The following ACACB variants were observed in gnomAD, a reference collection of about 807,000 sequenced individuals.
The protein encoded by ACACB is acetyl-CoA carboxylase beta, also known as acetyl-CoA carboxylase 2.
A neutral mutation model predicts 278.8 loss-of-function variants in ACACB; 209 were observed. That is an observed-to-expected ratio of 0.75 (90% CI 0.67 to 0.84). The LOEUF is 0.84. Ranked by LOEUF, ACACB falls within the 40% of genes least tolerant of loss-of-function variation. The pLI, the probability that ACACB is intolerant of heterozygous loss-of-function variation, is 0.00. For missense variants in ACACB, 2,850 were observed against 3,269.0 expected, an observed-to-expected ratio of 0.87 and a Z score of 3.13; for synonymous variants, 1,174 against 1,285.6, an observed-to-expected ratio of 0.91 and a Z score of 1.86.
intron 1 of ACACB, among the ~76,000 whole-genome samples, chr12:109,137,726 G>A (rs1437179505): frequency 6.6e-6 from 1 of 151,744 alleles, no homozygotes; most frequent in Non-Finnish European, 1.5e-5. Flanking sequence ...CTTTTGTAAT[G>A]CTTCTAGTAT....
At chr12:109,186,791 A>AT (rs921475576) in intron 12 of ACACB, among the ~76,000 whole-genome samples, 110 of 152,128 alleles carry the variant, frequency 7.2e-4, no homozygotes, top group African/African-American at 2.6e-3. Flanking sequence ...CAAAAGGGGA[A>AT]TTTTTTGGAG....
chr12:109,250,017 T>G lies in ACACB; in HGVS notation c.5703T>G (p.Asp1901Glu). 6.2e-7 allele frequency: 1 copy of G among 1,613,580 alleles called. No homozygotes were observed. The highest frequency in any genetic ancestry group is 8.5e-7 in the Non-Finnish European group (1 of 1,179,778). ...YMITDIIGKD[D>E]GLGVENLRGS... is the part of the protein sequence containing the mutation. Reference sequence around the variant, plus strand: ...TCACGGATATCATCGGGAAGGATGATGGCTTGGGCGTGGAGAATCTGAGGG... The same window carrying G: ...TCACGGATATCATCGGGAAGGATGAGGGCTTGGGCGTGGAGAATCTGAGGG... Residue 1901 changes from aspartate (D) to glutamate (E), a missense_variant, in exon 41 of 53, where the codon GAT (aspartate) becomes GAG (glutamate). By Grantham distance (45) the Asp-to-Glu change is conservative. Coordinates refer to ENST00000338432, the MANE Select transcript of ACACB (RefSeq NM_001093.4).
intron 13 of ACACB, among the ~76,000 whole-genome samples, chr12:109,188,808 T>C (rs1351553166): frequency 6.6e-6 from 1 of 152,162 alleles, no homozygotes; most frequent in African/African-American, 2.4e-5. Flanking sequence ...TAAAGATTGT[T>C]CTAGGAGATA....
At position 109,228,163 on chromosome 12, in the gene ACACB, CTA is replaced by C. The variant is rs2046369348; in HGVS notation, c.4001+676_4001+677del. On this transcript the variant is annotated intron_variant, in intron 28 of 52. Transcript: ENST00000338432. ...CCAGCCTGGCCAACATGGTGAAACC[CTA>C]TCTCTACTAAAAAAAATACAAAAAT... Among the ~76,000 whole-genome samples, 3 of 151,730 alleles carry C rather than the reference CTA, an allele frequency of 2.0e-5. 1 individual carries two copies. In the South Asian group the frequency reaches 6.2e-4, roughly 32 times the overall value.
chr12:109,163,678 C>T lies in ACACB; in HGVS notation c.654-3183C>T, dbSNP rs192029675. ...TTGTTGTTGTTGTTTGAGATGGAGT[C>T]TCACTCTATTGCCCAGGCTGGAGCG... On this transcript the variant is annotated intron_variant, in intron 2 of 52. Transcript: ENST00000338432. 1.5e-3 allele frequency among the ~76,000 whole-genome samples: 229 copies of T among 152,268 alleles called. 1 individual carries two copies. The highest frequency in any genetic ancestry group is 5.1e-3 in the African/African-American group (213 of 41,556).
chr12:109,111,460 A>G, the ACACB span: 1 of 152,208 alleles, frequency 6.6e-6, no homozygotes, highest in African/African-American at 2.4e-5. Context: ...ACTGGCCCGC[A>G]GCCCAGGCTC....
intron 28 of ACACB, 97 bp from the exon 29 acceptor site, chr12:109,232,572 A>T: frequency 6.8e-7 from 1 of 1,464,082 alleles, no homozygotes; most frequent in South Asian, 1.3e-5. Flanking sequence ...AGAGCTCTAA[A>T]TCTGGTCCAG....
At chr12:109,168,094 T>C in intron 4 of ACACB, 60 bp downstream of exon 4, 1 of 1,543,638 alleles carries the variant, frequency 6.5e-7, no homozygotes, top group African/African-American at 1.4e-5. Context: ...CCTCGCCTCC[T>C]TCCCCTGTGC....
intron 1 of ACACB, among the ~76,000 whole-genome samples, chr12:109,122,130 C>T (rs1264223403): frequency 1.3e-5 from 2 of 152,120 alleles, no homozygotes; most frequent in African/African-American, 4.8e-5. Context: ...TTTGCCAGGG[C>T]CATGTAGACC....
At chr12:109,196,370 G>A (rs1396500243) in intron 16 of ACACB, among the ~76,000 whole-genome samples, 1 of 152,130 alleles carries the variant, frequency 6.6e-6, no homozygotes, top group Non-Finnish European at 1.5e-5. Context: ...AATTCTCTAG[G>A]CTGGGAAGGT....
chr12:109,139,205 A>G (rs1244402619), intron 1 of ACACB, among the ~76,000 whole-genome samples, 192 bp from the exon 2 acceptor site: 1 of 152,222 alleles, frequency 6.6e-6, no homozygotes, highest in African/African-American at 2.4e-5. Context: ...GCAGGAAACT[A>G]AGATCCAGAG....
upstream of ACACB, among the ~76,000 whole-genome samples, chr12:109,112,254 A>AT (rs2042315756): frequency 6.7e-6 from 1 of 149,344 alleles, no homozygotes; most frequent in Non-Finnish European, 1.5e-5. Flanking sequence ...ATATATATGT[A>AT]TGTATATTCA....
intron 22 of ACACB, among the ~76,000 whole-genome samples, chr12:109,215,449 G>C (rs2045966646): frequency 6.6e-6 from 1 of 152,088 alleles, no homozygotes. Flanking sequence ...CTCAGGATTA[G>C]AGGGTGCCTC....
chr12:109,194,169 CTCTG>C (rs2045005647), intron 16 of ACACB, among the ~76,000 whole-genome samples: 1 of 151,590 alleles, frequency 6.6e-6, no homozygotes, highest in Non-Finnish European at 1.5e-5. Context: ...TTGCCCCAGT[CTCTG>C]TCTCTGTTTT....
At position 109,159,270 on chromosome 12, in the gene ACACB, A is replaced by C. The variant is rs1167088705; in HGVS notation, c.654-7591A>C. 2.0e-5 allele frequency among the ~76,000 whole-genome samples: 3 copies of C among 152,368 alleles called. No individual in the cohort carries two copies. The East Asian group carries it at 5.8e-4, about 29-fold the overall frequency. On this transcript the variant is annotated intron_variant, in intron 2 of 52. Coordinates refer to ENST00000338432, the MANE Select transcript of ACACB (RefSeq NM_001093.4). ...CTTGTTTGGAAGTAGTTGTAATTAC[A>C]GAATTGCCTGGCTCAGAATCAGCTC... is the stretch of plus-strand genomic sequence containing the variant.
chr12:109,212,602 G>A (rs752790172), intron 21 of ACACB, among the ~76,000 whole-genome samples: 22 of 152,062 alleles, frequency 1.4e-4, no homozygotes, highest in Admixed American at 1.3e-4. Context: ...TAATGCTCCC[G>A]CTGATCTGAC....
At chr12:109,219,139 A>G (rs1306259854) in intron 24 of ACACB, among the ~76,000 whole-genome samples, 1 of 152,150 alleles carries the variant, frequency 6.6e-6, no homozygotes, top group Non-Finnish European at 1.5e-5. Flanking sequence ...CCCTATTGCC[A>G]CTACTCAGCT....
chr12:109,248,651 T>C (rs2047013019), intron 40 of ACACB, among the ~76,000 whole-genome samples: 1 of 152,190 alleles, frequency 6.6e-6, no homozygotes, highest in Admixed American at 6.5e-5. Flanking sequence ...ACCTGCTTTT[T>C]CTAGCCGCGC....
intron 3 of ACACB, 189 bp downstream of exon 3, chr12:109,167,182 G>T: frequency 3.0e-6 from 2 of 677,450 alleles, no homozygotes; most frequent in Non-Finnish European, 4.9e-6. Flanking sequence ...TCTTTCAAAG[G>T]GCTATTGTGA....
Sources: gnomAD v4.1 joint callset for allele counts (sites outside exome capture counted in the v4.1 genomes callset) on GRCh38, gnomAD v4.1.1 for gene constraint, MANE v1.5 for transcripts, NCBI Gene and HGNC (gene_info 2026-07-23, HGNC 2026-07-21) for gene names.